SPEF2: variants seen among roughly 807,000 people sequenced by gnomAD.
SPEF2 encodes the protein sperm flagella and cilia-associated protein 2.
In SPEF2, 187 loss-of-function variants were observed where a neutral mutation model predicts 224.6. That is an observed-to-expected ratio of 0.83 (90% CI 0.74 to 0.94). The LOEUF (loss-of-function observed/expected upper bound fraction) is 0.94, where lower values mean the gene tolerates loss of function less well. SPEF2 is among the 40% of genes least tolerant of loss of function. The pLI, the probability that SPEF2 is intolerant of heterozygous loss-of-function variation, is 0.00. For missense variants in SPEF2, 2,170 were observed against 2,135.6 expected, an observed-to-expected ratio of 1.02 and a Z score of -0.32; for synonymous variants, 715 against 707.3, an observed-to-expected ratio of 1.01 and a Z score of -0.17.
chr5:35,671,968 A>G (rs1479195238), intron 10 of SPEF2, among the ~76,000 whole-genome samples: 2 of 151,954 alleles, frequency 1.3e-5, no homozygotes, highest in African/African-American at 4.8e-5. Flanking sequence ...TATACTGTAA[A>G]CTATTATACT....
At chr5:35,712,710 AACTGTTT>A in intron 19 of SPEF2, 95 bp from the exon 20 acceptor site, 1 of 1,124,910 alleles carries the variant, frequency 8.9e-7, no homozygotes, top group East Asian at 2.4e-5. Context: ...TCACAAATGT[AACTGTTT>A]ACCTATGGGA....
At chr5:35,779,746 C>T (rs1754070913) in intron 30 of SPEF2, among the ~76,000 whole-genome samples, 1 of 152,124 alleles carries the variant, frequency 6.6e-6, no homozygotes, top group African/African-American at 2.4e-5. Flanking sequence ...AGAAGATTTC[C>T]CTTTTATGTT....
intron 20 of SPEF2, 121 bp downstream of exon 20, chr5:35,713,007 C>A: frequency 1.1e-6 from 1 of 905,858 alleles, no homozygotes; most frequent in South Asian, 1.9e-5. Context: ...ATTTGTAAAT[C>A]ATAAGCCCTT....
At chr5:35,708,604 G>A (rs1740347430) in intron 18 of SPEF2, among the ~76,000 whole-genome samples, 1 of 10,112 alleles carries the variant, frequency 9.9e-5, no homozygotes. Context: ...CCCCACCACA[G>A]ACTTCACCAC....
intron 23 of SPEF2, among the ~76,000 whole-genome samples, chr5:35,746,063 A>G (rs1219676257): frequency 6.6e-6 from 1 of 152,222 alleles, no homozygotes; most frequent in Non-Finnish European, 1.5e-5. Context: ...CTAAACCCAG[A>G]AGACAGACAA....
At chr5:35,752,807 T>G (rs1749859078) in intron 23 of SPEF2, among the ~76,000 whole-genome samples, 1 of 151,896 alleles carries the variant, frequency 6.6e-6, no homozygotes, top group African/African-American at 2.4e-5. Context: ...TAATACTACC[T>G]AGCTTAAGGA....
intron 16 of SPEF2, among the ~76,000 whole-genome samples, chr5:35,704,174 A>T (rs1477455967): frequency 6.6e-6 from 1 of 152,156 alleles, no homozygotes; most frequent in Non-Finnish European, 1.5e-5. Context: ...AATAATTTGT[A>T]TGCATATTTG....
intron 11 of SPEF2, 119 bp downstream of exon 11, chr5:35,691,375 T>G: frequency 1.2e-6 from 1 of 806,942 alleles, no homozygotes; most frequent in Non-Finnish European, 1.9e-6. Context: ...GGGAAATCTC[T>G]GTCATCAAAA....
intron 36 of SPEF2, among the ~76,000 whole-genome samples, chr5:35,811,673 C>T (rs991607725): frequency 6.6e-6 from 1 of 150,816 alleles, no homozygotes; most frequent in African/African-American, 2.5e-5. Context: ...GTGTTTAACT[C>T]AGTTCCTGGA....
In SPEF2 at chr5:35,814,495, A is replaced by G; in HGVS notation, c.5411A>G (p.His1804Arg). ...DIKIILQRSE[H>R]VQGSDGERSP... The stretch of plus-strand genomic sequence containing the variant: ...AAAATAATTCTCCAAAGGAGTGAAC[A>G]TGTACAAGGAAGTGATGGAGAGAGA... Residue 1804 changes from histidine to arginine, a missense_variant, in exon 37 of 37, where the codon CAT becomes CGT. Coordinates refer to ENST00000356031, the MANE Select transcript of SPEF2 (RefSeq NM_024867.4). 6.2e-7 allele frequency: 1 copy of G among 1,608,658 alleles called. No individual in the cohort carries two copies. The highest frequency in any genetic ancestry group is 8.5e-7 in the Non-Finnish European group (1 of 1,176,888).
chr5:35,808,881 C>CATATATATATATATATATATATATATAT (rs34389759), intron 36 of SPEF2, among the ~76,000 whole-genome samples: 9 of 143,322 alleles, frequency 6.3e-5, no homozygotes, highest in African/African-American at 2.3e-4. Flanking sequence ...TTGGGTTTTA[C>CATATATATATATATATATATATATATAT]ATATATATAT....
chr5:35,623,949 C>G (rs972925325), intron 1 of SPEF2, among the ~76,000 whole-genome samples: 3 of 152,218 alleles, frequency 2.0e-5, no homozygotes, highest in African/African-American at 7.2e-5. Flanking sequence ...CCCCATCACT[C>G]TCTCATTTTT....
intron 1 of SPEF2, among the ~76,000 whole-genome samples, chr5:35,620,107 G>A (rs1743297646): frequency 6.6e-6 from 1 of 152,178 alleles, no homozygotes; most frequent in Non-Finnish European, 1.5e-5. Context: ...ATTCCACATT[G>A]TAAAAGGTCT....
intron 21 of SPEF2, 38 bp downstream of exon 21, chr5:35,727,861 T>C: frequency 1.3e-6 from 2 of 1,598,324 alleles, no homozygotes; most frequent in Non-Finnish European, 1.7e-6. Flanking sequence ...GAATTCATTC[T>C]TTCTCCTGCA....
intron 23 of SPEF2, among the ~76,000 whole-genome samples, chr5:35,750,250 T>C (rs1393574763): frequency 6.6e-6 from 1 of 152,086 alleles, no homozygotes; most frequent in African/African-American, 2.4e-5. Context: ...CTAAAAATTC[T>C]ACAAGATAAC....
At chr5:35,770,987 A>G (rs1198459760) in intron 26 of SPEF2, among the ~76,000 whole-genome samples, 1 of 152,146 alleles carries the variant, frequency 6.6e-6, no homozygotes, top group Non-Finnish European at 1.5e-5. Flanking sequence ...CAAGTAGAAT[A>G]GGAGCCCAGG....
At chr5:35,811,767 C>CT (rs1203514196) in intron 36 of SPEF2, among the ~76,000 whole-genome samples, 45,379 of 115,120 alleles carry the variant, frequency 0.39, 10,193 homozygotes, top group African/African-American at 0.45. Context: ...TTTGCCATTA[C>CT]TTTTTTTTTT....
intron 27 of SPEF2, among the ~76,000 whole-genome samples, chr5:35,772,277 C>G (rs546656998): frequency 6.6e-6 from 1 of 152,106 alleles, no homozygotes; most frequent in South Asian, 2.1e-4. Flanking sequence ...TTACCCTCCC[C>G]CTCTGAAGTG....
At chr5:35,618,500 A>G (rs1302689607) in intron 1 of SPEF2, among the ~76,000 whole-genome samples, 1 of 152,192 alleles carries the variant, frequency 6.6e-6, no homozygotes, top group African/African-American at 2.4e-5. Flanking sequence ...TCGATGAAAT[A>G]TGAAGCCACT....
Sources: allele counts gnomAD v4.1 joint callset (sites outside exome capture counted in the v4.1 genomes callset), GRCh38; gene constraint gnomAD v4.1.1; transcripts MANE v1.5; gene names NCBI Gene and HGNC (gene_info 2026-07-23, HGNC 2026-07-21).